Variants in CUX1 observed in about 807,000 individuals in gnomAD.
CUX1 encodes the protein cut like homeobox 1, also known as protein CASP.
Under a neutral mutation model 158.8 loss-of-function variants are expected in CUX1, and 31 were observed. The observed-to-expected ratio is 0.20, with a 90% CI of 0.15 to 0.26. The LOEUF (loss-of-function observed/expected upper bound fraction) is 0.26, where lower values mean the gene tolerates loss of function less well. Among genes scored for constraint, CUX1 ranks in the 10% least tolerant of loss-of-function variants. The probability of loss-of-function intolerance (pLI) is 1.00; values close to 1 mark genes in which losing one functional copy is unlikely to be tolerated. For synonymous variants in CUX1, 879 were observed against 862.1 expected (o/e 1.02, Z -0.34); for missense variants, 1,589 against 2,014.6 (o/e 0.79, Z 4.04).
intron 2 of CUX1, among the ~76,000 whole-genome samples, chr7:101,932,181 T>G (rs934850660): frequency 2.0e-5 from 3 of 152,242 alleles, no homozygotes; most frequent in Non-Finnish European, 4.4e-5. Flanking sequence ...GCCCTGGGCC[T>G]CCTAACATTG....
intron 1 of CUX1, among the ~76,000 whole-genome samples, chr7:101,905,924 G>A (rs1382905593): frequency 1.3e-5 from 2 of 151,848 alleles, no homozygotes; most frequent in Non-Finnish European, 2.9e-5. Flanking sequence ...CTGGCCTGAA[G>A]TGATCCTCCC....
intron 4 of CUX1, among the ~76,000 whole-genome samples, chr7:102,083,248 A>G (rs144867000): frequency 6.8e-6 from 1 of 147,130 alleles, no homozygotes; most frequent in African/African-American, 2.4e-5. Context: ...ATGATGCAGA[A>G]TATTTTTTCA....
intron 2 of CUX1, among the ~76,000 whole-genome samples, chr7:102,018,743 C>T (rs62465570): frequency 1.3e-4 from 7 of 51,858 alleles, no homozygotes; most frequent in South Asian, 4.2e-4. Context: ...TGAGTGCGTG[C>T]GTGCGTGCGT....
At chr7:102,281,253 C>A (rs189053055) in intron 20 of CUX1, among the ~76,000 whole-genome samples, 282 of 152,022 alleles carry the variant, frequency 1.9e-3, no homozygotes, top group African/African-American at 6.3e-3. Flanking sequence ...ACCTGTAGTC[C>A]CAGCTACTCA....
At chr7:102,105,534 CAG>C in intron 6 of CUX1, among the ~76,000 whole-genome samples, 1 of 80,290 alleles carries the variant, frequency 1.2e-5, no homozygotes, top group East Asian at 3.1e-4. Context: ...TTTTTTAAGA[CAG>C]AGTTTCACTC....
intron 2 of CUX1, chr7:101,961,517 A>G (rs1395738101): frequency 2.0e-5 from 3 of 152,234 alleles, no homozygotes; most frequent in African/African-American, 7.2e-5. Context: ...ATTGATCAAT[A>G]TAGAACAAAG....
intron 1 of CUX1, among the ~76,000 whole-genome samples, chr7:101,881,009 G>GC (rs1042438021): frequency 3.9e-5 from 6 of 152,180 alleles, no homozygotes; most frequent in Non-Finnish European, 2.9e-5. Flanking sequence ...TTTTGGGGGA[G>GC]CCCCCCGCAG....
intron 2 of CUX1, among the ~76,000 whole-genome samples, chr7:101,981,795 G>A (rs1813480226): frequency 6.6e-6 from 1 of 152,078 alleles, no homozygotes; most frequent in Non-Finnish European, 1.5e-5. Context: ...ATTTTTAGAA[G>A]AAACGGGGTT....
chr7:102,196,810 A>T lies in CUX1; in HGVS notation c.1399A>T (p.Ser467Cys), dbSNP rs1794848691. Residue 467 changes from serine to cysteine, a missense_variant, in exon 15 of 24, where the codon AGC becomes TGC. Ser to Cys is a moderately radical substitution (Grantham distance 112, BLOSUM62 -1). Transcript: ENST00000292535. ...SQDFFSSSLA[S>C]PSLPLASTGK... ...AGACTTTTTCAGCTCATCCCTGGCA[A>T]GCCCCAGCCTACCCCTGGCTTCTAC... 6.2e-7 allele frequency: 1 copy of T among 1,614,174 alleles called. No homozygotes were observed. Among genetic ancestry groups the T allele is most frequent in the East Asian group, 2.2e-5 (1 of 44,878 alleles).
chr7:102,227,114 T>C (rs1340969682), intron 20 of CUX1, among the ~76,000 whole-genome samples: 1 of 152,200 alleles, frequency 6.6e-6, no homozygotes, highest in Admixed American at 6.5e-5. Context: ...GCCCTCATGT[T>C]AAGCCTTCCG....
At chr7:102,065,897 TCTC>T (rs57829888) in intron 3 of CUX1, among the ~76,000 whole-genome samples, 126,201 of 151,498 alleles carry the variant, frequency 0.83, 52,684 homozygotes, top group East Asian at 0.99. Context: ...TTCAAGCAAT[TCTC>T]CTGTCTCAGC....
chr7:102,270,766 G>A (rs1791158492), intron 14 of CUX1, among the ~76,000 whole-genome samples: 1 of 152,246 alleles, frequency 6.6e-6, no homozygotes, highest in African/African-American at 2.4e-5. Flanking sequence ...TAACACATGG[G>A]CCTTTTCCAG....
intron 6 of CUX1, among the ~76,000 whole-genome samples, chr7:102,110,920 C>T (rs782432884): frequency 2.0e-5 from 3 of 152,148 alleles, no homozygotes; most frequent in Non-Finnish European, 4.4e-5. Context: ...TATTTGATTA[C>T]ATCCCTGAGT....
Position 102,097,380 on chromosome 7 carries a change from G to C in CUX1, c.285G>C (p.Leu95Phe). The C allele has an allele frequency of 6.2e-7, 1 of 1,608,552 alleles. No homozygotes were observed. Among genetic ancestry groups the C allele is most frequent in the Non-Finnish European group, 8.5e-7 (1 of 1,178,824 alleles). ...GTTGTGCAGATCCCGTACCAGCTTT[G>C]GATCTCGGACAGCAACTCCAGCTCA... ...LIDVPDPVPALDLGQQLQLKV... is the reference protein window; with the variant it reads ...LIDVPDPVPAFDLGQQLQLKV... The change falls in exon 5 of 24, where the codon TTG (leucine) becomes TTC (phenylalanine). Residue 95 changes from leucine to phenylalanine, a missense_variant. By Grantham distance (22) the Leu-to-Phe change is conservative. This residue lies in a region of CUX1 where 515 missense variants were observed against 574.4 expected (regional missense o/e 0.90). Coordinates refer to ENST00000292535, the MANE Select transcript of CUX1 (RefSeq NM_181552.4).
intron 9 of CUX1, among the ~76,000 whole-genome samples, chr7:102,168,908 C>CTTTTTTTTTTTTTT (rs1563341626): frequency 1.6e-5 from 2 of 121,984 alleles, no homozygotes; most frequent in African/African-American, 6.9e-5. Flanking sequence ...CTTTTCTTTT[C>CTTTTTTTTTTTTTT]TTTTATTTTC....
intron 1 of CUX1, among the ~76,000 whole-genome samples, chr7:101,859,004 C>T (rs905578487): frequency 6.6e-6 from 1 of 152,098 alleles, no homozygotes; most frequent in South Asian, 2.1e-4. Context: ...TGAAGAAATC[C>T]GGTATTGTTT....
chr7:101,964,454 T>C (rs1810897207), intron 2 of CUX1, among the ~76,000 whole-genome samples: 1 of 152,200 alleles, frequency 6.6e-6, no homozygotes, highest in East Asian at 1.9e-4. Flanking sequence ...TTGTTATTGA[T>C]GTTATCGGCC....
chr7:101,951,019 G>A (rs1438935899), intron 2 of CUX1, among the ~76,000 whole-genome samples: 1 of 152,142 alleles, frequency 6.6e-6, no homozygotes, highest in African/African-American at 2.4e-5. Flanking sequence ...AATTCTGATT[G>A]ATTAACTTCG....
At chr7:102,090,367 G>A (rs10248846) in intron 4 of CUX1, among the ~76,000 whole-genome samples, 12,024 of 144,942 alleles carry the variant, frequency 0.083, 656 homozygotes, top group African/African-American at 0.15. Flanking sequence ...CCATGATACC[G>A]TTTTTTTTTT....
Sources: allele counts gnomAD v4.1 joint callset (sites outside exome capture counted in the v4.1 genomes callset), GRCh38; gene constraint gnomAD v4.1.1; regional missense constraint gnomAD v4.1.1; transcripts MANE v1.5; gene names NCBI Gene and HGNC (gene_info 2026-07-23, HGNC 2026-07-21).